Variants in CNTN5 observed in about 807,000 individuals in gnomAD.
CNTN5 encodes contactin-5.
CNTN5 carries 77 observed loss-of-function variants against 129.1 expected under a neutral mutation model. That is an observed-to-expected ratio of 0.60 (90% CI 0.50 to 0.72). The LOEUF is 0.72. Ranked by LOEUF, CNTN5 falls within the 30% of genes least tolerant of loss-of-function variation. The pLI, the probability that CNTN5 is intolerant of heterozygous loss-of-function variation, is 0.00. For synonymous variants in CNTN5, 509 were observed against 465.6 expected (o/e 1.09, Z -1.20); for missense variants, 1,478 against 1,328.8 (o/e 1.11, Z -1.75).
chr11:99,191,257 G>A (rs1181666134), intron 1 of CNTN5, among the ~76,000 whole-genome samples: 4 of 151,482 alleles, frequency 2.6e-5, no homozygotes, highest in Non-Finnish European at 1.5e-5. Context: ...TTTTGTTGAG[G>A]TTTTTTTCAC....
intron 2 of CNTN5, among the ~76,000 whole-genome samples, chr11:99,408,813 A>G (rs1591639368): frequency 6.6e-6 from 1 of 152,354 alleles, no homozygotes. Flanking sequence ...ACAAAGAAAA[A>G]TATACTGTGT....
chr11:100,125,441 T>G (rs1467408123), intron 13 of CNTN5, among the ~76,000 whole-genome samples: 3 of 152,118 alleles, frequency 2.0e-5, no homozygotes, highest in Non-Finnish European at 2.9e-5. Context: ...GGTACTTCGT[T>G]AATTCACTTA....
intron 3 of CNTN5, among the ~76,000 whole-genome samples, chr11:99,734,751 T>C (rs972423710): frequency 6.6e-6 from 1 of 150,392 alleles, no homozygotes; most frequent in African/African-American, 2.5e-5. Context: ...GAATAATCCC[T>C]AATTCCTACA....
At chr11:99,792,351 T>C (rs1186191217) in intron 3 of CNTN5, among the ~76,000 whole-genome samples, 2 of 152,166 alleles carry the variant, frequency 1.3e-5, no homozygotes, top group Admixed American at 1.3e-4. Flanking sequence ...TCTATTGAGA[T>C]CAAATGGTTT....
intron 2 of CNTN5, among the ~76,000 whole-genome samples, chr11:99,326,996 C>T (rs762524879): frequency 6.6e-6 from 1 of 152,046 alleles, no homozygotes; most frequent in African/African-American, 2.4e-5. Flanking sequence ...GCTGTTATTT[C>T]CTATATATAA....
chr11:99,567,120 C>A (rs1190293830), intron 3 of CNTN5, among the ~76,000 whole-genome samples: 1 of 152,010 alleles, frequency 6.6e-6, no homozygotes, highest in Non-Finnish European at 1.5e-5. Flanking sequence ...AGGGATGAGG[C>A]TCAGAAAGAT....
chr11:100,141,160 G>A lies in CNTN5; in HGVS notation c.1581-49966G>A, dbSNP rs1291364835. Among the ~76,000 whole-genome samples the A allele has an allele frequency of 3.3e-5, 5 of 151,180 alleles. No homozygotes were observed. In the East Asian group the frequency reaches 9.6e-4, roughly 29 times the overall value. ...GGGGGAGGCATGTTAAAGTTGGAGA[G>A]GGGTAGAATTCGGAGTCTAAAAAGG... On this transcript the variant is annotated intron_variant, in intron 13 of 24. Coordinates refer to ENST00000524871, the MANE Select transcript of CNTN5 (RefSeq NM_014361.4).
chr11:99,261,749 T>C (rs1374891040), intron 1 of CNTN5, among the ~76,000 whole-genome samples: 1 of 152,024 alleles, frequency 6.6e-6, no homozygotes, highest in Non-Finnish European at 1.5e-5. Flanking sequence ...TGTATTTGAA[T>C]TTGATATCAT....
intron 2 of CNTN5, among the ~76,000 whole-genome samples, chr11:99,336,089 G>A (rs4509716): frequency 0.24 from 37,177 of 151,920 alleles, 5,132 homozygotes; most frequent in South Asian, 0.31. Context: ...TTAATTTATC[G>A]GAGGGGTATG....
At chr11:99,930,633 A>C (rs1438169440) in intron 7 of CNTN5, among the ~76,000 whole-genome samples, 1 of 152,212 alleles carries the variant, frequency 6.6e-6, no homozygotes, top group Non-Finnish European at 1.5e-5. Context: ...TATTTTGTGT[A>C]TACGTAGGCC....
intron 18 of CNTN5, among the ~76,000 whole-genome samples, chr11:100,275,776 T>C (rs1344543239): frequency 6.6e-6 from 1 of 152,212 alleles, no homozygotes; most frequent in Non-Finnish European, 1.5e-5. Context: ...CGAAGTACTC[T>C]CCTTTGAAAG....
intron 2 of CNTN5, among the ~76,000 whole-genome samples, chr11:99,328,357 C>T (rs1236039089): frequency 3.3e-5 from 5 of 152,010 alleles, no homozygotes; most frequent in African/African-American, 2.4e-5. Flanking sequence ...GAATGAAAAG[C>T]GTAATTTCTT....
intron 1 of CNTN5, among the ~76,000 whole-genome samples, chr11:99,090,004 C>A (rs1866173291): frequency 6.6e-6 from 1 of 152,100 alleles, no homozygotes; most frequent in Admixed American, 6.6e-5. Flanking sequence ...AGGTAATATA[C>A]CACTTTTTAG....
At chr11:99,457,995 GACTCCAAATCTTAAT>G (rs936224537) in intron 2 of CNTN5, among the ~76,000 whole-genome samples, 1 of 151,664 alleles carries the variant, frequency 6.6e-6, no homozygotes, top group Non-Finnish European at 1.5e-5. Context: ...TTGACCATTG[GACTCCAAATCTTAAT>G]ACTTCTGAAT....
intron 7 of CNTN5, among the ~76,000 whole-genome samples, chr11:99,949,242 G>GTTAT (rs1204730663): frequency 1.2e-4 from 19 of 152,102 alleles, no homozygotes; most frequent in African/African-American, 4.3e-4. Flanking sequence ...TGTTGTTGTC[G>GTTAT]TTATGCCCAC....
chr11:99,293,336 T>C (rs1362690130), intron 1 of CNTN5, among the ~76,000 whole-genome samples: 3 of 152,166 alleles, frequency 2.0e-5, no homozygotes, highest in African/African-American at 2.4e-5. Context: ...TTTTATAGTA[T>C]TTTGTTGAGA....
At chr11:99,577,300 C>T (rs1431999992) in intron 3 of CNTN5, among the ~76,000 whole-genome samples, 4 of 152,102 alleles carry the variant, frequency 2.6e-5, no homozygotes, top group African/African-American at 9.7e-5. Flanking sequence ...ATTCTTGCCC[C>T]CATCCCTCTC....
intron 2 of CNTN5, among the ~76,000 whole-genome samples, chr11:99,470,112 T>G (rs943831583): frequency 1.3e-5 from 2 of 152,160 alleles, no homozygotes; most frequent in African/African-American, 4.8e-5. Flanking sequence ...GTGTTCTCTG[T>G]CAGTTCGTTA....
chr11:99,617,521 T>C (rs540389134), intron 3 of CNTN5, among the ~76,000 whole-genome samples: 2 of 152,312 alleles, frequency 1.3e-5, no homozygotes, highest in African/African-American at 4.8e-5. Flanking sequence ...ACATAAACTT[T>C]AGTAGAGACT....
Sources: gnomAD v4.1 joint callset for allele counts (sites outside exome capture counted in the v4.1 genomes callset) on GRCh38, gnomAD v4.1.1 for gene constraint, MANE v1.5 for transcripts, NCBI Gene and HGNC (gene_info 2026-07-23, HGNC 2026-07-21) for gene names.